CFAP300: variants seen among roughly 807,000 people sequenced by gnomAD.
CFAP300 encodes cilia- and flagella-associated protein 300.
Under a neutral mutation model 33.0 loss-of-function variants are expected in CFAP300, and 32 were observed. The observed-to-expected ratio is 0.97, with a 90% CI of 0.73 to 1.30. CFAP300 has a LOEUF of 1.30. Ranked by LOEUF, CFAP300 falls within the 50% of genes most tolerant of loss-of-function variation. CFAP300 has a pLI of 0.00. For synonymous variants in CFAP300, 102 were observed against 106.8 expected, an observed-to-expected ratio of 0.95 and a Z score of 0.28; for missense variants, 356 against 318.1, an observed-to-expected ratio of 1.12 and a Z score of -0.90.
intron 5 of CFAP300, among the ~76,000 whole-genome samples, chr11:102,080,527 T>G (rs575698296): frequency 6.6e-5 from 10 of 152,062 alleles, no homozygotes; most frequent in Admixed American, 4.6e-4. Flanking sequence ...AAGCGATTCT[T>G]CTGCCTCAGC....
chr11:102,080,279 A>C (rs1199818974), intron 5 of CFAP300, among the ~76,000 whole-genome samples: 1 of 152,162 alleles, frequency 6.6e-6, no homozygotes, highest in Non-Finnish European at 1.5e-5. Context: ...TTGCTTTCTC[A>C]CTACATATTG....
At chr11:102,058,998 T>C (rs766327926) in intron 3 of CFAP300, 43 bp downstream of exon 3, 191 of 1,239,178 alleles carry the variant, frequency 1.5e-4, no homozygotes, top group Non-Finnish European at 2.0e-4. Flanking sequence ...TTTACTATTA[T>C]AAGAAAATTT....
intron 2 of CFAP300, 51 bp downstream of exon 2, chr11:102,047,947 TC>T (rs1362315243): frequency 8.9e-6 from 14 of 1,569,588 alleles, no homozygotes; most frequent in South Asian, 1.1e-5. Context: ...TTTTTAAACT[TC>T]CCCCCAAGTT....
At chr11:102,081,171 A>C (rs776422204) in intron 5 of CFAP300, 44 bp from the exon 6 acceptor site, 1 of 1,388,476 alleles carries the variant, frequency 7.2e-7, no homozygotes, top group East Asian at 2.3e-5. Context: ...TGTATATGCC[A>C]ATGCCTATTA....
chr11:102,052,971 T>C (rs545510392), intron 2 of CFAP300, among the ~76,000 whole-genome samples: 1 of 152,368 alleles, frequency 6.6e-6, no homozygotes, highest in African/African-American at 2.4e-5. Flanking sequence ...CTCAAGCCTG[T>C]AATCCCAGCA....
At chr11:102,052,892 A>G (rs1386145290) in intron 2 of CFAP300, among the ~76,000 whole-genome samples, 1 of 152,206 alleles carries the variant, frequency 6.6e-6, no homozygotes, top group African/African-American at 2.4e-5. Flanking sequence ...ATGAACTTTA[A>G]AGAAAAATAG....
intron 5 of CFAP300, chr11:102,076,255 C>G: frequency 2.3e-6 from 1 of 438,390 alleles, no homozygotes; most frequent in Admixed American, 4.3e-5. Flanking sequence ...TTCTCAGTCC[C>G]CTCATTCTTC....
chr11:102,061,472 G>C (rs886581822), intron 3 of CFAP300, among the ~76,000 whole-genome samples: 5 of 152,128 alleles, frequency 3.3e-5, no homozygotes, highest in African/African-American at 9.7e-5. Context: ...AGTTGTCGGT[G>C]CTGTTTTATC....
intron 5 of CFAP300, 94 bp from the exon 6 acceptor site, chr11:102,081,121 A>C (rs1321498943): frequency 2.2e-6 from 2 of 929,276 alleles, no homozygotes; most frequent in East Asian, 5.0e-5. Context: ...GTTCTATATG[A>C]ATAAGAACAC....
intron 2 of CFAP300, 113 bp downstream of exon 2, chr11:102,048,009 C>G: frequency 2.2e-6 from 2 of 912,578 alleles, no homozygotes; most frequent in South Asian, 2.0e-5. Flanking sequence ...GTTTTCTTGG[C>G]GTTTGGGAGT....
intron 3 of CFAP300, among the ~76,000 whole-genome samples, chr11:102,066,188 T>C (rs1414905554): frequency 6.6e-6 from 1 of 152,124 alleles, no homozygotes; most frequent in Non-Finnish European, 1.5e-5. Context: ...TTGGCCAGGC[T>C]AGTCTCGAAC....
chr11:102,057,293 C>T (rs984189075), intron 2 of CFAP300, among the ~76,000 whole-genome samples: 9 of 150,128 alleles, frequency 6.0e-5, no homozygotes, highest in East Asian at 6.0e-4. Context: ...AAGCCGAGAT[C>T]GCACCACTGC....
intron 2 of CFAP300, among the ~76,000 whole-genome samples, chr11:102,049,254 C>G (rs928641000): frequency 6.6e-6 from 1 of 152,194 alleles, no homozygotes; most frequent in Non-Finnish European, 1.5e-5. Context: ...TGCCACCCTC[C>G]CTTGGCGTCC....
At chr11:102,056,818 G>T (rs543483397) in intron 2 of CFAP300, among the ~76,000 whole-genome samples, 3 of 151,874 alleles carry the variant, frequency 2.0e-5, no homozygotes, top group East Asian at 3.9e-4. Flanking sequence ...TACAGACGGG[G>T]TTCGCCATGT....
At chr11:102,056,652 C>G (rs1334389416) in intron 2 of CFAP300, among the ~76,000 whole-genome samples, 2 of 151,924 alleles carry the variant, frequency 1.3e-5, no homozygotes, top group South Asian at 2.1e-4. Flanking sequence ...TTAAGATAGT[C>G]TCACTCTGTT....
At chr11:102,053,609 G>A (rs1301455355) in intron 2 of CFAP300, among the ~76,000 whole-genome samples, 10 of 152,108 alleles carry the variant, frequency 6.6e-5, no homozygotes, top group South Asian at 2.1e-4. Context: ...GGCTGGTGTC[G>A]TGGCTCATGC....
intron 4 of CFAP300, 26 bp from the exon 5 acceptor site, chr11:102,075,847 C>T: frequency 6.5e-7 from 1 of 1,528,836 alleles, no homozygotes; most frequent in Non-Finnish European, 8.9e-7. Flanking sequence ...AGTTATGTTA[C>T]ATTAAGATGA....
intron 4 of CFAP300, among the ~76,000 whole-genome samples, chr11:102,073,879 T>G (rs1378616421): frequency 6.6e-6 from 1 of 152,014 alleles, no homozygotes; most frequent in Non-Finnish European, 1.5e-5. Context: ...GGGTGGGAGA[T>G]CCCATCTTCA....
At chr11:102,066,448 T>G in intron 3 of CFAP300, 37 bp from the exon 4 acceptor site, 2 of 1,463,098 alleles carry the variant, frequency 1.4e-6, no homozygotes, top group Non-Finnish European at 1.8e-6. Context: ...TAAATTAATT[T>G]TTCTATCTCC....
Sources: gnomAD v4.1 joint callset for allele counts (sites outside exome capture counted in the v4.1 genomes callset) on GRCh38, gnomAD v4.1.1 for gene constraint, MANE v1.5 for transcripts, NCBI Gene and HGNC (gene_info 2026-07-23, HGNC 2026-07-21) for gene names.